JAK2: variants seen among roughly 807,000 people sequenced by gnomAD.
JAK2 encodes Janus kinase 2, also known as tyrosine-protein kinase JAK2.
Under a neutral mutation model 139.3 loss-of-function variants are expected in JAK2, and 86 were observed. The ratio of observed to expected loss-of-function variants is 0.62; its 90% CI spans 0.52 to 0.74. The LOEUF (loss-of-function observed/expected upper bound fraction) is 0.74. Among genes scored for constraint, JAK2 ranks in the 30% least tolerant of loss-of-function variants. JAK2 has a pLI of 0.00. For missense variants in JAK2, 1,421 were observed against 1,360.3 expected, an observed-to-expected ratio of 1.04 and a Z score of -0.70; for synonymous variants, 490 against 437.7, an observed-to-expected ratio of 1.12 and a Z score of -1.49.
intron 2 of JAK2, among the ~76,000 whole-genome samples, chr9:4,996,451 A>AAAAT (rs771867813): frequency 9.9e-5 from 15 of 152,104 alleles, no homozygotes; most frequent in South Asian, 2.1e-4. Context: ...TCTGTCTCAA[A>AAAAT]AAATAAATAA....
chr9:5,112,704 T>G, intron 22 of JAK2: 1 of 866,780 alleles, frequency 1.2e-6, no homozygotes. Context: ...GAGCAGCAAG[T>G]GCGAGAGCGG....
intron 4 of JAK2, among the ~76,000 whole-genome samples, chr9:5,035,666 G>A (rs1823531451): frequency 6.6e-6 from 1 of 152,160 alleles, no homozygotes; most frequent in African/African-American, 2.4e-5. Flanking sequence ...AAAGGTCTTT[G>A]GCAAAATTCA....
intron 2 of JAK2, among the ~76,000 whole-genome samples, chr9:4,991,714 A>T (rs1050819837): frequency 9.0e-6 from 1 of 110,652 alleles, no homozygotes; most frequent in Non-Finnish European, 1.6e-5. Flanking sequence ...CTCCTTTTCT[A>T]GTCTCTAATT....
Position 5,045,662 on chromosome 9 carries a change from T to C in JAK2, c.468+1142T>C, listed in dbSNP as rs369272318. ...TATGTACCTCATACAAATGGAGTTATATAGCATTTGTCCTTTTTTGACTGG... is the reference window on the plus strand; with the variant it reads ...TATGTACCTCATACAAATGGAGTTACATAGCATTTGTCCTTTTTTGACTGG... On this transcript the variant is annotated intron_variant, in intron 5 of 24. Transcript: ENST00000381652. 2.4e-4 allele frequency among the ~76,000 whole-genome samples: 37 copies of C among 152,334 alleles called. 1 individual carries two copies. In the East Asian group the frequency reaches 5.0e-3, roughly 21 times the overall value.
intron 22 of JAK2, among the ~76,000 whole-genome samples, chr9:5,103,442 A>G (rs1821689924): frequency 6.6e-6 from 1 of 152,010 alleles, no homozygotes; most frequent in South Asian, 2.1e-4. Flanking sequence ...AGACCTATAA[A>G]GAGACTTAGA....
At chr9:5,041,160 A>AT in intron 4 of JAK2, 2 of 1,191,858 alleles carry the variant, frequency 1.7e-6, no homozygotes, top group Admixed American at 3.6e-5. Context: ...ACGCGCATGG[A>AT]TTATGTGCAC....
intron 16 of JAK2, 109 bp from the exon 17 acceptor site, chr9:5,080,120 G>T: frequency 3.4e-6 from 3 of 889,214 alleles, no homozygotes; most frequent in South Asian, 2.1e-5. Context: ...CCAAAATAAA[G>T]AAAATAGGCC....
At chr9:5,090,593 G>T (rs200457329) in intron 21 of JAK2, 23 bp downstream of exon 21, 156 of 1,550,850 alleles carry the variant, frequency 1.0e-4, no homozygotes, top group Admixed American at 4.2e-5. Context: ...CTGATTATTT[G>T]CTGTAGATGA....
At chr9:5,087,514 CT>C (rs1463905876) in intron 19 of JAK2, among the ~76,000 whole-genome samples, 1 of 144,014 alleles carries the variant, frequency 6.9e-6, no homozygotes, top group African/African-American at 2.7e-5. Flanking sequence ...ATCTCAAACC[CT>C]TCTGGTTTTC....
chr9:5,030,321 G>T (rs748232592), intron 4 of JAK2, among the ~76,000 whole-genome samples: 2 of 152,116 alleles, frequency 1.3e-5, no homozygotes, highest in Non-Finnish European at 2.9e-5. Context: ...TTTTCCCAGT[G>T]TGTATTTGCA....
chr9:5,114,088 G>C, intron 22 of JAK2: 1 of 332,298 alleles, frequency 3.0e-6, no homozygotes, highest in Non-Finnish European at 6.0e-6. Context: ...ACCCAGAAGC[G>C]CTGGCTGCCC....
chr9:5,071,918 T>C (rs991227995), intron 12 of JAK2, among the ~76,000 whole-genome samples: 2 of 152,246 alleles, frequency 1.3e-5, no homozygotes, highest in African/African-American at 2.4e-5. Context: ...TTAGTAGTAA[T>C]AGCTGATACT....
intron 3 of JAK2, among the ~76,000 whole-genome samples, chr9:5,024,524 G>A (rs577481383): frequency 6.6e-6 from 1 of 151,796 alleles, no homozygotes; most frequent in Non-Finnish European, 1.5e-5. Context: ...GAAAGCTTAG[G>A]GTCTTTTCTT....
Position 5,081,724 on chromosome 9 carries a change from G to C in JAK2, c.2435-1G>C. ...GGTGATAATATTCTTTATTTCTCCA[G>C]ATTATGAACTATTAACAGAAAATGA... On this transcript the variant is annotated splice_acceptor_variant, in intron 18 of 24. Coordinates refer to ENST00000381652, the MANE Select transcript of JAK2 (RefSeq NM_004972.4). LOFTEE classifies it high-confidence loss of function. 3 of 1,586,394 alleles carry C rather than the reference G, an allele frequency of 1.9e-6. No individual in the cohort carries two copies. The highest frequency in any genetic ancestry group is 2.6e-6 in the Non-Finnish European group (3 of 1,155,600).
chr9:5,029,151 C>G (rs1822975949), intron 3 of JAK2, among the ~76,000 whole-genome samples: 1 of 152,152 alleles, frequency 6.6e-6, no homozygotes, highest in African/African-American at 2.4e-5. Flanking sequence ...CTCTTCCTTT[C>G]CCTTGAATGC....
chr9:5,022,158 T>C lies in JAK2; in HGVS notation c.171T>C (p.Phe57=). 6.2e-7 allele frequency: 1 copy of C among 1,614,180 alleles called. No homozygotes were observed. Among genetic ancestry groups the C allele is most frequent in the Non-Finnish European group, 8.5e-7 (1 of 1,180,014 alleles). ...LGKSEADYLT[F]PSGEYVAEEI... Reference sequence around the variant, plus strand: ...AATCTGAGGCAGATTATCTGACCTTTCCATCTGGGGAGTATGTTGCAGAAG... The same window carrying C: ...AATCTGAGGCAGATTATCTGACCTTCCCATCTGGGGAGTATGTTGCAGAAG... The change falls in exon 3 of 25, where the codon TTT becomes TTC. Residue 57 remains phenylalanine (F), a synonymous_variant. Coordinates refer to ENST00000381652, the MANE Select transcript of JAK2 (RefSeq NM_004972.4).
At chr9:5,055,633 C>G (rs1817708414) in intron 7 of JAK2, 36 bp from the exon 8 acceptor site, 1 of 1,482,972 alleles carries the variant, frequency 6.7e-7, no homozygotes, top group Non-Finnish European at 9.3e-7. Context: ...TCTGTAAATT[C>G]TACCCGTTTT....
Position 5,080,564 on chromosome 9 carries a change from T to C in JAK2, c.2315T>C (p.Leu772Pro). Residue 772 changes from leucine (L) to proline (P), a missense_variant, in exon 18 of 25, where the codon CTT becomes CCT. Leu to Pro is a moderately conservative substitution (Grantham distance 98). Transcript: ENST00000381652. ...KLQFYEDRHQLPAPKWAELAN... is the reference protein window; with the variant it reads ...KLQFYEDRHQPPAPKWAELAN... ...CAATTTTATGAAGATAGGCATCAGC[T>C]TCCTGCACCAAAGTGGGCAGAATTA... 6.3e-7 allele frequency: 1 copy of C among 1,598,588 alleles called. No individual in the cohort carries two copies. The highest frequency in any genetic ancestry group is 8.5e-7 in the Non-Finnish European group (1 of 1,176,172).
At chr9:5,052,635 C>T (rs904015281) in intron 6 of JAK2, among the ~76,000 whole-genome samples, 1 of 152,052 alleles carries the variant, frequency 6.6e-6, no homozygotes, top group Admixed American at 6.6e-5. Flanking sequence ...TGCCCATTAG[C>T]ATTCAGTCCT....
Sources: gnomAD v4.1 joint callset for allele counts (sites outside exome capture counted in the v4.1 genomes callset) on GRCh38, gnomAD v4.1.1 for gene constraint, MANE v1.5 for transcripts, NCBI Gene and HGNC (gene_info 2026-07-23, HGNC 2026-07-21) for gene names.